ZBTB16: variants seen among roughly 807,000 people sequenced by gnomAD.
The protein encoded by ZBTB16 is zinc finger and BTB domain containing 16.
In ZBTB16, 8 loss-of-function variants were observed where a neutral mutation model predicts 56.8. The observed-to-expected ratio is 0.14, with a 90% CI of 0.08 to 0.25. The LOEUF is 0.25. ZBTB16 is among the 10% of genes least tolerant of loss of function. ZBTB16 has a pLI of 1.00. For missense variants in ZBTB16, 625 were observed against 903.0 expected (o/e 0.69, Z 3.95); for synonymous variants, 363 against 368.5 (o/e 0.98, Z 0.17).
Position 114,250,721 on chromosome 11 carries a change from C to T in ZBTB16, c.*166C>T, listed in dbSNP as rs1944903400. ...TGGATTCTCTCTGGGCTCCAGATGACCTGGATGCCAAGCCACTGCCCCTCC... is the reference window on the plus strand; with the variant it reads ...TGGATTCTCTCTGGGCTCCAGATGATCTGGATGCCAAGCCACTGCCCCTCC... On this transcript the variant is annotated 3_prime_UTR_variant, in exon 7 of 7. Transcript: ENST00000335953. This position sits in a 1 kb window ranked among gnomAD's most constrained non-coding sequence, Gnocchi z 6.0. 2 of 741,324 alleles carry T rather than the reference C, an allele frequency of 2.7e-6. No homozygotes were observed. Among genetic ancestry groups the T allele is most frequent in the Non-Finnish European group, 4.3e-6 (2 of 461,114 alleles). The allele number at this position is 741,324 out of a possible 1,614,324, so 45.9% of individuals were successfully genotyped here. A position where few individuals can be genotyped will look rare whatever the true frequency, so the allele number is the denominator to read the frequency against.
chr11:114,170,896 C>T (rs535544695), intron 3 of ZBTB16, among the ~76,000 whole-genome samples: 3 of 152,302 alleles, frequency 2.0e-5, no homozygotes, highest in African/African-American at 7.2e-5. Flanking sequence ...CTAATATGAG[C>T]CCGGGATAAA....
chr11:114,118,935 T>C (rs1195706862), intron 2 of ZBTB16, among the ~76,000 whole-genome samples: 1 of 151,698 alleles, frequency 6.6e-6, no homozygotes, highest in Non-Finnish European at 1.5e-5. Context: ...TGACTTGGAG[T>C]TCAGGTTGAC....
chr11:114,221,112 C>T (rs1037855030), intron 4 of ZBTB16, among the ~76,000 whole-genome samples: 3 of 152,240 alleles, frequency 2.0e-5, no homozygotes, highest in African/African-American at 7.2e-5. Flanking sequence ...CATTCAAAGG[C>T]TGTGCTAGTT....
intron 2 of ZBTB16, among the ~76,000 whole-genome samples, chr11:114,154,606 A>G (rs1239709949): frequency 6.6e-6 from 1 of 152,194 alleles, no homozygotes; most frequent in Admixed American, 6.5e-5. Context: ...TGTGAAATCT[A>G]TTTAGAGTTA....
chr11:114,205,402 T>C (rs988759716), intron 4 of ZBTB16, among the ~76,000 whole-genome samples: 4 of 145,924 alleles, frequency 2.7e-5, no homozygotes, highest in Non-Finnish European at 6.0e-5. Flanking sequence ...AGAGTGAGAC[T>C]CCGTCTCAAA....
At chr11:114,168,002 G>A (rs182700448) in intron 3 of ZBTB16, among the ~76,000 whole-genome samples, 2 of 152,298 alleles carry the variant, frequency 1.3e-5, no homozygotes, top group Admixed American at 6.5e-5. Context: ...CCATCTGATC[G>A]CTCTTAGCCA....
intron 2 of ZBTB16, among the ~76,000 whole-genome samples, chr11:114,080,311 C>T (rs1272237527): frequency 6.6e-6 from 1 of 152,148 alleles, no homozygotes; most frequent in Non-Finnish European, 1.5e-5. Context: ...CTTTTCCTCT[C>T]CATTGAACCA....
intron 4 of ZBTB16, among the ~76,000 whole-genome samples, chr11:114,223,095 C>G (rs1032406257): frequency 3.3e-5 from 5 of 152,184 alleles, no homozygotes; most frequent in African/African-American, 1.2e-4. Context: ...TGCTCGTTGG[C>G]TGCAATCTCA....
chr11:114,066,394 G>GT (rs1451151716), intron 2 of ZBTB16, among the ~76,000 whole-genome samples: 1 of 152,194 alleles, frequency 6.6e-6, no homozygotes, highest in East Asian at 1.9e-4. Context: ...CTGAGGTTGT[G>GT]TTTGTTTTTG....
At chr11:114,081,834 G>T (rs527451790) in intron 2 of ZBTB16, among the ~76,000 whole-genome samples, 1 of 152,288 alleles carries the variant, frequency 6.6e-6, no homozygotes, top group East Asian at 1.9e-4. Context: ...ATGCTGGAAT[G>T]GTAGGCTGGG....
intron 3 of ZBTB16, among the ~76,000 whole-genome samples, chr11:114,178,502 A>G (rs1394670144): frequency 6.6e-6 from 1 of 151,954 alleles, no homozygotes; most frequent in Non-Finnish European, 1.5e-5. Flanking sequence ...GCTCTTCACT[A>G]CCTTACTGTG....
At chr11:114,145,750 A>G (rs1485434002) in intron 2 of ZBTB16, among the ~76,000 whole-genome samples, 2 of 152,202 alleles carry the variant, frequency 1.3e-5, no homozygotes, top group East Asian at 1.9e-4. Flanking sequence ...TGAATATGCT[A>G]CAAACCAGTG....
intron 2 of ZBTB16, among the ~76,000 whole-genome samples, chr11:114,107,955 C>T (rs2137771472): frequency 6.6e-6 from 1 of 151,440 alleles, no homozygotes; most frequent in South Asian, 2.1e-4. Context: ...TAGTGGGATC[C>T]CATTTTCACC....
chr11:114,084,914 C>A (rs193042416), intron 2 of ZBTB16, among the ~76,000 whole-genome samples: 29 of 152,330 alleles, frequency 1.9e-4, no homozygotes, highest in African/African-American at 6.5e-4. Context: ...CTGTGCTTTC[C>A]TGCCTTAGTG....
intron 1 of ZBTB16, among the ~76,000 whole-genome samples, chr11:114,062,414 TTC>T (rs1410412025): frequency 1.3e-5 from 2 of 152,232 alleles, no homozygotes; most frequent in African/African-American, 2.4e-5. Flanking sequence ...CACACACTCT[TTC>T]TGTCTGTCTC....
chr11:114,073,025 C>T (rs190193559), intron 2 of ZBTB16, among the ~76,000 whole-genome samples: 1 of 148,522 alleles, frequency 6.7e-6, no homozygotes, highest in Admixed American at 6.8e-5. Context: ...CACTACACTC[C>T]AGCCTGGGCA....
At chr11:114,088,207 A>T (rs1361548413) in intron 2 of ZBTB16, among the ~76,000 whole-genome samples, 1 of 145,592 alleles carries the variant, frequency 6.9e-6, no homozygotes, top group Non-Finnish European at 1.5e-5. Flanking sequence ...AGTGGCATGA[A>T]CTTGGCTCAC....
At chr11:114,175,812 A>G (rs1452798655) in intron 3 of ZBTB16, among the ~76,000 whole-genome samples, 1 of 152,000 alleles carries the variant, frequency 6.6e-6, no homozygotes, top group African/African-American at 2.4e-5. Context: ...GAGGTATGTC[A>G]TTTGGCAGGA....
At chr11:114,108,012 T>A (rs1940858693) in intron 2 of ZBTB16, among the ~76,000 whole-genome samples, 1 of 152,064 alleles carries the variant, frequency 6.6e-6, no homozygotes, top group Admixed American at 6.5e-5. Context: ...ATTATTATTA[T>A]TAGTTTGTAC....
Sources: gnomAD v4.1 joint callset for allele counts (sites outside exome capture counted in the v4.1 genomes callset) on GRCh38, gnomAD v4.1.1 for gene constraint, Gnocchi (gnomAD v3.1) non-coding constraint, MANE v1.5 for transcripts, NCBI Gene and HGNC (gene_info 2026-07-23, HGNC 2026-07-21) for gene names.